Variants in FSIP1 observed in about 807,000 individuals in gnomAD.
FSIP1 encodes the protein fibrous sheath interacting protein 1.
In FSIP1, 65 loss-of-function variants were observed where a neutral mutation model predicts 60.9. The ratio of observed to expected loss-of-function variants is 1.07; its 90% CI spans 0.87 to 1.31. The LOEUF (loss-of-function observed/expected upper bound fraction) is 1.31, where lower values mean the gene tolerates loss of function less well. FSIP1 is among the 40% of genes most tolerant of loss of function. The pLI is 0.00. For missense variants in FSIP1, 675 were observed against 665.5 expected (o/e 1.01, Z -0.16); for synonymous variants, 209 against 221.2 (o/e 0.94, Z 0.49).
At chr15:39,738,062 T>C in intron 8 of FSIP1, 29 bp downstream of exon 8, 3 of 1,174,458 alleles carry the variant, frequency 2.6e-6, no homozygotes, top group Non-Finnish European at 3.7e-6. Flanking sequence ...AATTAAGAAG[T>C]GTAGTGTTCC....
chr15:39,658,285 C>T (rs567777289), intron 10 of FSIP1, among the ~76,000 whole-genome samples: 3 of 144,604 alleles, frequency 2.1e-5, no homozygotes, highest in Admixed American at 7.0e-5. Context: ...GATGGAGTCT[C>T]GCTGTCACCC....
intron 10 of FSIP1, among the ~76,000 whole-genome samples, chr15:39,667,222 A>G (rs138198146): frequency 6.6e-6 from 1 of 152,296 alleles, no homozygotes; most frequent in East Asian, 1.9e-4. Flanking sequence ...TAAAGAAAAT[A>G]ATTTTTTTAA....
chr15:39,706,318 T>C (rs894416872), intron 10 of FSIP1, among the ~76,000 whole-genome samples: 1 of 152,258 alleles, frequency 6.6e-6, no homozygotes, highest in Admixed American at 6.5e-5. Context: ...CTACCAATAA[T>C]GTCCAAATAT....
chr15:39,628,004 A>G (rs1375811902), intron 10 of FSIP1, among the ~76,000 whole-genome samples: 1 of 152,228 alleles, frequency 6.6e-6, no homozygotes, highest in East Asian at 1.9e-4. Flanking sequence ...CAGACTGTCA[A>G]CAAGGCTCAC....
chr15:39,705,564 G>C (rs1895227847), intron 10 of FSIP1, among the ~76,000 whole-genome samples: 1 of 151,996 alleles, frequency 6.6e-6, no homozygotes, highest in African/African-American at 2.4e-5. Context: ...ATAAAGGTAA[G>C]TTACAGCACA....
intron 10 of FSIP1, among the ~76,000 whole-genome samples, chr15:39,691,787 C>T (rs1205912566): frequency 6.6e-6 from 1 of 152,066 alleles, no homozygotes; most frequent in African/African-American, 2.4e-5. Flanking sequence ...ATTCTCTCAC[C>T]CTCTCTGAAG....
intron 5 of FSIP1, among the ~76,000 whole-genome samples, chr15:39,743,050 C>T (rs1896858197): frequency 6.6e-6 from 1 of 152,146 alleles, no homozygotes; most frequent in African/African-American, 2.4e-5. Flanking sequence ...AATTTGGCAA[C>T]ATTTTATTAT....
intron 10 of FSIP1, among the ~76,000 whole-genome samples, chr15:39,622,754 G>A (rs1891486366): frequency 6.6e-6 from 1 of 152,134 alleles, no homozygotes; most frequent in Non-Finnish European, 1.5e-5. Flanking sequence ...GGTAGTCTGG[G>A]TCCAGAACCT....
rs369358480 is a variant in FSIP1, at chr15:39,780,644, G to T, written c.-8+1984C>A. Reference sequence around the variant, plus strand: ...GCACTTTTTTCATCAGTTCACTTAGGTGGTATATAGAATATTTGCTATTAA... The same window carrying T: ...GCACTTTTTTCATCAGTTCACTTAGTTGGTATATAGAATATTTGCTATTAA... On this transcript the variant is annotated intron_variant, in intron 1 of 11. Transcript: ENST00000350221. Among the ~76,000 whole-genome samples, 7 of 152,274 alleles carry T rather than the reference G, an allele frequency of 4.6e-5. No individual in the cohort carries two copies. The East Asian group carries it at 7.7e-4, about 17-fold the overall frequency.
chr15:39,746,937 C>T, intron 5 of FSIP1, among the ~76,000 whole-genome samples: 1 of 152,222 alleles, frequency 6.6e-6, no homozygotes, highest in South Asian at 2.1e-4. Context: ...CCTCACCTAA[C>T]ATGTACATCA....
In FSIP1 at chr15:39,614,665, A is replaced by G. The variant is rs555473207; in HGVS notation, c.1699+3070T>C. The stretch of plus-strand genomic sequence containing the variant: ...ATCTCAAAAAAAAAAAAAAAAAAAG[A>G]AGATGTACCATATTCATGGACTGAA... On this transcript the variant is annotated intron_variant, in intron 11 of 11. Transcript: ENST00000350221. Among the ~76,000 whole-genome samples the G allele has an allele frequency of 1.5e-4, 22 of 149,404 alleles. No individual in the cohort carries two copies. In the South Asian group the frequency reaches 4.2e-3, roughly 29 times the overall value.
chr15:39,602,475 T>C (rs1814759193), intron 11 of FSIP1: 2 of 429,168 alleles, frequency 4.7e-6, no homozygotes, highest in Admixed American at 2.7e-5. Context: ...TACAAATATA[T>C]GAATTATATC....
At chr15:39,678,145 GA>G (rs1315694494) in intron 10 of FSIP1, among the ~76,000 whole-genome samples, 1 of 151,708 alleles carries the variant, frequency 6.6e-6, no homozygotes, top group Non-Finnish European at 1.5e-5. Context: ...ATATCTGTAG[GA>G]AAAAAAGTGT....
chr15:39,674,177 A>C (rs552047392), intron 10 of FSIP1, among the ~76,000 whole-genome samples: 91 of 151,482 alleles, frequency 6.0e-4, no homozygotes, highest in South Asian at 1.9e-3. Flanking sequence ...GCCTCAGCCT[A>C]CCAAGTAGCT....
chr15:39,660,629 T>C (rs1022286303), intron 10 of FSIP1, among the ~76,000 whole-genome samples: 1 of 152,216 alleles, frequency 6.6e-6, no homozygotes, highest in African/African-American at 2.4e-5. Flanking sequence ...ACTTACTTGG[T>C]TAAAACAAAA....
chr15:39,713,395 T>C, intron 10 of FSIP1, 49 bp downstream of exon 10: 1 of 1,533,496 alleles, frequency 6.5e-7, no homozygotes, highest in African/African-American at 1.4e-5. Flanking sequence ...AGTGAGAACC[T>C]GCCTCTATTT....
chr15:39,651,190 T>G (rs1892853536), intron 10 of FSIP1, among the ~76,000 whole-genome samples: 1 of 152,196 alleles, frequency 6.6e-6, no homozygotes, highest in Admixed American at 6.5e-5. Context: ...ACCAACCAAT[T>G]TGTTTTATAA....
intron 10 of FSIP1, among the ~76,000 whole-genome samples, chr15:39,662,438 G>A (rs576341029): frequency 1.3e-5 from 2 of 152,176 alleles, no homozygotes; most frequent in South Asian, 2.1e-4. Context: ...CAAAAAAGGA[G>A]GCGGAAAGAT....
At chr15:39,705,108 A>G (rs1450929261) in intron 10 of FSIP1, among the ~76,000 whole-genome samples, 1 of 152,238 alleles carries the variant, frequency 6.6e-6, no homozygotes, top group Non-Finnish European at 1.5e-5. Context: ...AATGACTAGA[A>G]CCAGGGAAAG....
Sources: gnomAD v4.1 joint callset for allele counts (sites outside exome capture counted in the v4.1 genomes callset) on GRCh38, gnomAD v4.1.1 for gene constraint, MANE v1.5 for transcripts, NCBI Gene and HGNC (gene_info 2026-07-23, HGNC 2026-07-21) for gene names.